ITGAL: variants seen among roughly 807,000 people sequenced by gnomAD.
ITGAL encodes integrin alpha-L.
In ITGAL, 68 loss-of-function variants were observed where a neutral mutation model predicts 138.4. That is an observed-to-expected ratio of 0.49 (90% CI 0.40 to 0.60). The LOEUF (loss-of-function observed/expected upper bound fraction) is 0.60. Among genes scored for constraint, ITGAL ranks in the 20% least tolerant of loss-of-function variants. The pLI, the probability that ITGAL is intolerant of heterozygous loss-of-function variation, is 0.00. For synonymous variants in ITGAL, 561 were observed against 584.3 expected (o/e 0.96, Z 0.57); for missense variants, 1,256 against 1,478.6 (o/e 0.85, Z 2.47).
rs916232068 is a variant in ITGAL at position 30,475,502 on chromosome 16, G to A, written c.260-11G>A. On this transcript the variant is annotated splice_polypyrimidine_tract_variant and intron_variant, in intron 3 of 30. Transcript: ENST00000356798. ...CTGAGCTCCTCCAGACCAACCTTCTGGTGCCTACAGGTTCCAACTATACCT... is the reference window on the plus strand; with the variant it reads ...CTGAGCTCCTCCAGACCAACCTTCTAGTGCCTACAGGTTCCAACTATACCT... 6.8e-6 allele frequency: 11 copies of A among 1,613,298 alleles called. No homozygotes were observed. The highest frequency in any genetic ancestry group is 9.3e-6 in the Non-Finnish European group (11 of 1,179,302).
In ITGAL at chr16:30,496,426, T is replaced by G. The variant is rs2050801501; in HGVS notation, c.1702-10T>G. ...CCTCAGCTTAGTGGCAATTTCTTTCTTGCTCTCAGCGGATAGAAGGGACCC... is the reference window on the plus strand; with the variant it reads ...CCTCAGCTTAGTGGCAATTTCTTTCGTGCTCTCAGCGGATAGAAGGGACCC... On this transcript the variant is annotated splice_polypyrimidine_tract_variant and intron_variant, in intron 14 of 30. Coordinates refer to ENST00000356798, the MANE Select transcript of ITGAL (RefSeq NM_002209.3). The G allele has an allele frequency of 4.3e-6, 7 of 1,613,938 alleles. No individual in the cohort carries two copies. The highest frequency in any genetic ancestry group is 5.9e-6 in the Non-Finnish European group (7 of 1,180,018).
At chr16:30,488,524 G>C (rs190772395) in intron 9 of ITGAL, among the ~76,000 whole-genome samples, 1 of 151,928 alleles carries the variant, frequency 6.6e-6, no homozygotes, top group East Asian at 1.9e-4. Flanking sequence ...GGCCAACATG[G>C]TGAAACCCCA....
chr16:30,478,947 G>A (rs575546227), intron 4 of ITGAL, 144 bp from the exon 5 acceptor site: 14 of 673,920 alleles, frequency 2.1e-5, no homozygotes, highest in Admixed American at 4.7e-5. Flanking sequence ...CTGTGGAGGC[G>A]GACATTCCTT....
In ITGAL at chr16:30,484,099, C is replaced by A; in HGVS notation, c.856-14C>A. The A allele has an allele frequency of 6.2e-7, 1 of 1,611,396 alleles. No homozygotes were observed. The highest frequency in any genetic ancestry group is 8.5e-7 in the Non-Finnish European group (1 of 1,178,186). ...TTGGGGGATTTCAGCTCTTCACTCT[C>A]CACTCCCTCACAGATTGGAAAGCAT... is the stretch of plus-strand genomic sequence containing the variant. On this transcript the variant is annotated splice_polypyrimidine_tract_variant and intron_variant, in intron 8 of 30. Transcript: ENST00000356798.
At chr16:30,488,606 G>A (rs2050679860) in intron 9 of ITGAL, among the ~76,000 whole-genome samples, 1 of 151,150 alleles carries the variant, frequency 6.6e-6, no homozygotes, top group African/African-American at 2.4e-5. Context: ...GGGAGGCTGA[G>A]GCAGGAGAAT....
At chr16:30,506,000 CTATAA>C (rs1398536121) in intron 20 of ITGAL, among the ~76,000 whole-genome samples, 2 of 152,248 alleles carry the variant, frequency 1.3e-5, no homozygotes, top group African/African-American at 4.8e-5. Context: ...TGGCTCACGC[CTATAA>C]TCCCAGCACT....
At chr16:30,487,164 A>AG (rs2050659655) in intron 9 of ITGAL, among the ~76,000 whole-genome samples, 1 of 150,706 alleles carries the variant, frequency 6.6e-6, no homozygotes, top group Middle Eastern at 3.2e-3. Context: ...AAAAAAAAAA[A>AG]GAGTTTCTAC....
chr16:30,489,240 C>T lies in ITGAL; in HGVS notation c.1081-14C>T, dbSNP rs1314621997. ...CGGTGGGTAGCTGACCCGCTCATCT[C>T]CTTCCCTGGGCAGGGCCATGCAGTC... On this transcript the variant is annotated splice_polypyrimidine_tract_variant and intron_variant, in intron 10 of 30. Coordinates refer to ENST00000356798, the MANE Select transcript of ITGAL (RefSeq NM_002209.3). 6.2e-7 allele frequency: 1 copy of T among 1,614,040 alleles called. No individual in the cohort carries two copies. Among genetic ancestry groups the T allele is most frequent in the Non-Finnish European group, 8.5e-7 (1 of 1,179,926 alleles).
At chr16:30,483,727 T>C (rs2050591615) in intron 7 of ITGAL, 100 bp from the exon 8 acceptor site, 2 of 1,335,718 alleles carry the variant, frequency 1.5e-6, no homozygotes, top group Non-Finnish European at 1.0e-6. Flanking sequence ...GGAAGGGCTT[T>C]TGCGTAACCA....
intron 6 of ITGAL, chr16:30,480,832 C>T (rs2050541510): frequency 6.5e-6 from 1 of 154,402 alleles, no homozygotes; most frequent in African/African-American, 2.4e-5. Context: ...GACCCCATTT[C>T]TACAAAAAAT....
chr16:30,481,438 G>A lies in ITGAL; in HGVS notation c.577-1G>A, dbSNP rs1420069373. ...ATGTCATTTCTTCCTTCCTTTTCTA[G>A]TTTGCTGCTGTTCAGTTTTCCACAA... On this transcript the variant is annotated splice_acceptor_variant, in intron 6 of 30. Coordinates refer to ENST00000356798, the MANE Select transcript of ITGAL (RefSeq NM_002209.3). LOFTEE classifies it high-confidence loss of function. The A allele has an allele frequency of 6.2e-7, 1 of 1,600,988 alleles. No homozygotes were observed. The highest frequency in any genetic ancestry group is 8.5e-7 in the Non-Finnish European group (1 of 1,172,572).
intron 9 of ITGAL, among the ~76,000 whole-genome samples, chr16:30,484,750 C>G (rs1156626648): frequency 6.6e-6 from 1 of 152,050 alleles, no homozygotes; most frequent in Non-Finnish European, 1.5e-5. Flanking sequence ...GAAACCCCGT[C>G]TCTACTAAAA....
intron 15 of ITGAL, among the ~76,000 whole-genome samples, chr16:30,498,154 A>G (rs752517036): frequency 6.0e-5 from 9 of 150,316 alleles, no homozygotes; most frequent in African/African-American, 9.8e-5. Flanking sequence ...TTGAAACCCC[A>G]TCTCTACTAA....
intron 16 of ITGAL, 49 bp downstream of exon 16, chr16:30,499,283 G>A (rs1304455564): frequency 6.2e-7 from 1 of 1,613,042 alleles, no homozygotes; most frequent in African/African-American, 1.3e-5. Context: ...CCAAATCCAG[G>A]CTTATGGCCT....
Position 30,486,093 on chromosome 16 carries a change from T to C in ITGAL, c.1006+1830T>C, listed in dbSNP as rs529729597. Among the ~76,000 whole-genome samples the C allele has an allele frequency of 8.9e-4, 136 of 152,276 alleles. 1 individual carries two copies. Among genetic ancestry groups the C allele is most frequent in the Non-Finnish European group, 1.1e-3 (78 of 68,022 alleles). The stretch of plus-strand genomic sequence containing the variant: ...GAAGATTTATATTGTGGTCACCAGA[T>C]GGAGGACTGGTTATGGAGGGCATTT... On this transcript the variant is annotated intron_variant, in intron 9 of 30. Transcript: ENST00000356798.
chr16:30,499,326 C>T lies in ITGAL; in HGVS notation c.1994-12C>T, dbSNP rs375739554. On this transcript the variant is annotated splice_polypyrimidine_tract_variant and intron_variant, in intron 16 of 30. Transcript: ENST00000356798. ...CCCACCATTTAACTCTTGCCTTTTC[C>T]GCCCTGCCCAGGCCGCCTGGTTGCC... The T allele has an allele frequency of 6.5e-4, 1,052 of 1,613,980 alleles. No individual in the cohort carries two copies. The highest frequency in any genetic ancestry group is 8.6e-4 in the Non-Finnish European group (1,020 of 1,179,876).
intron 4 of ITGAL, among the ~76,000 whole-genome samples, chr16:30,477,916 C>G (rs2050494560): frequency 7.4e-6 from 1 of 135,080 alleles, no homozygotes; most frequent in African/African-American, 2.8e-5. Context: ...AGCAAGAAAG[C>G]AAAGAAAGGA....
In ITGAL at chr16:30,479,348, G is replaced by A; in HGVS notation, c.463G>A (p.Val155Ile). Residue 155 changes from valine (V) to isoleucine (I), a missense_variant, in exon 6 of 31, where the codon GTA becomes ATA. Val to Ile is a conservative substitution (Grantham distance 29, BLOSUM62 3). This residue lies in a region of ITGAL where 212 missense variants were observed against 217.4 expected (regional missense o/e 0.98). Coordinates refer to ENST00000356798, the MANE Select transcript of ITGAL (RefSeq NM_002209.3). ...PGFQECIKGN[V>I]DLVFLFDGSM... ...TTCTGCAGAATGTATCAAGGGCAAC[G>A]TAGACCTGGTATTTCTGTTTGATGG... The A allele has an allele frequency of 1.2e-6, 2 of 1,614,128 alleles. No individual in the cohort carries two copies. The highest frequency in any genetic ancestry group is 1.7e-6 in the Non-Finnish European group (2 of 1,180,028).
chr16:30,481,392 T>C (rs759332003), intron 6 of ITGAL, 47 bp from the exon 7 acceptor site: 10 of 1,324,528 alleles, frequency 7.5e-6, no homozygotes, highest in Non-Finnish European at 1.0e-5. Context: ...AACAGACAAA[T>C]GGAAAGGGAT....
Sources: gnomAD v4.1 joint callset for allele counts (sites outside exome capture counted in the v4.1 genomes callset) on GRCh38, gnomAD v4.1.1 for gene constraint, gnomAD v4.1.1 regional missense constraint, MANE v1.5 for transcripts, NCBI Gene and HGNC (gene_info 2026-07-23, HGNC 2026-07-21) for gene names.